The following PSMG1 variants were observed in gnomAD, a reference collection of about 807,000 sequenced individuals.
PSMG1 encodes the protein proteasome assembly chaperone 1, also known as Down syndrome critical region gene 2.
A neutral mutation model predicts 37.2 loss-of-function variants in PSMG1; 23 were observed. The observed-to-expected ratio is 0.62, with a 90% confidence interval of 0.44 to 0.88. The LOEUF (loss-of-function observed/expected upper bound fraction) is 0.88. Among genes scored for constraint, PSMG1 ranks in the 40% least tolerant of loss-of-function variants. The pLI, the probability that PSMG1 is intolerant of heterozygous loss-of-function variation, is 0.00. For missense variants in PSMG1, 340 were observed against 344.2 expected, an observed-to-expected ratio of 0.99 and a Z score of 0.10; for synonymous variants, 127 against 128.0, an observed-to-expected ratio of 0.99 and a Z score of 0.05.
At chr21:39,176,927 GGC>G (rs2030645344) in intron 6 of PSMG1, among the ~76,000 whole-genome samples, 1 of 152,164 alleles carries the variant, frequency 6.6e-6, no homozygotes, top group South Asian at 2.1e-4. Flanking sequence ...TGAGATTACA[GGC>G]AAACATTTTC....
intron 4 of PSMG1, 122 bp downstream of exon 4, chr21:39,179,802 T>A: frequency 1.2e-6 from 1 of 860,340 alleles, no homozygotes; most frequent in Non-Finnish European, 1.7e-6. Flanking sequence ...CAAAAGAAAT[T>A]CCCACAATAT....
Position 39,183,204 on chromosome 21 carries a change from G to T in PSMG1, c.134+48C>A, listed in dbSNP as rs369437106. The T allele has an allele frequency of 2.7e-6, 4 of 1,503,584 alleles. No individual in the cohort carries two copies. The South Asian group carries it at 5.0e-5, about 19-fold the overall frequency. The allele number at this position is 1,503,584 out of a possible 1,614,324, so 93.1% of individuals were successfully genotyped here. A position where few individuals can be genotyped will look rare whatever the true frequency, so the allele number is the denominator to read the frequency against. ...GCGCCGTCGCGGCTGCCAGGCCCGC[G>T]CACCTTCCAGCTGCGGTGAGCGCGC... On this transcript the variant is annotated intron_variant, in intron 1 of 6. Coordinates refer to ENST00000331573, the MANE Select transcript of PSMG1 (RefSeq NM_003720.4).
Position 39,180,384 on chromosome 21 carries a change from A to C in PSMG1, c.294T>G (p.Cys98Trp), listed in dbSNP as rs1217380951. Reference protein sequence around the residue: ...MNSGVWEEVGCAKLWNEWCRT... With the variant: ...MNSGVWEEVGWAKLWNEWCRT... ...TACACCATTCATTCCAGAGTTTAGC[A>C]CAACCAACTTCCTCCCAGACTCCTG... Residue 98 changes from cysteine to tryptophan, a missense_variant, in exon 3 of 7, where the codon TGT becomes TGG. Physicochemically the swap from Cys to Trp is radical, Grantham distance 215. Transcript: ENST00000331573. 6.2e-7 allele frequency: 1 copy of C among 1,609,328 alleles called. No individual in the cohort carries two copies. Among genetic ancestry groups the C allele is most frequent in the South Asian group, 1.1e-5 (1 of 89,914 alleles).
intron 2 of PSMG1, among the ~76,000 whole-genome samples, chr21:39,181,183 G>T (rs924620006): frequency 6.6e-6 from 1 of 152,090 alleles, no homozygotes; most frequent in Admixed American, 6.5e-5. Context: ...CCAAGCTGGA[G>T]CACGATCAGT....
intron 4 of PSMG1, 167 bp from the exon 5 acceptor site, chr21:39,178,814 G>C: frequency 1.5e-6 from 1 of 672,456 alleles, no homozygotes; most frequent in Middle Eastern, 4.2e-4. Flanking sequence ...ACCTGGGTTT[G>C]ATCTTGGTTC....
intron 2 of PSMG1, among the ~76,000 whole-genome samples, chr21:39,180,949 A>C (rs577581393): frequency 6.6e-5 from 10 of 152,204 alleles, no homozygotes; most frequent in Non-Finnish European, 8.8e-5. Flanking sequence ...ATCCACCAAG[A>C]GAATTAATAC....
At chr21:39,182,991 C>G in intron 1 of PSMG1, 1 of 440,016 alleles carries the variant, frequency 2.3e-6, no homozygotes, top group East Asian at 3.8e-5. Flanking sequence ...CGGATTTGAA[C>G]CCAGCCCTCC....
At chr21:39,180,700 A>G (rs2030796507) in intron 2 of PSMG1, among the ~76,000 whole-genome samples, 1 of 152,192 alleles carries the variant, frequency 6.6e-6, no homozygotes, top group Non-Finnish European at 1.5e-5. Context: ...TCACGGGGTA[A>G]TACTCTTCTG....
chr21:39,178,385 T>G (rs2030699672), intron 5 of PSMG1, 64 bp downstream of exon 5: 1 of 1,454,334 alleles, frequency 6.9e-7, no homozygotes, highest in Admixed American at 1.7e-5. Context: ...AGACCTCTAA[T>G]GGTGAAAAGT....
In PSMG1 at chr21:39,178,594, T is replaced by C. The variant is rs138817199; in HGVS notation, c.510A>G (p.Arg170=). The change falls in exon 5 of 7, where the codon CGA becomes CGG. Residue 170 remains arginine, a synonymous_variant. Transcript: ENST00000331573. ...CTGAGGTTTTATAATCGGTAACATG[T>C]CGACATGTGAGAATAGTTATCTGCA... ...KNMQITILTC[R]HVTDYKTSES... 24 of 1,614,034 alleles carry C rather than the reference T, an allele frequency of 1.5e-5. No individual in the cohort carries two copies. In the African/African-American group the frequency reaches 2.7e-4, roughly 18 times the overall value.
At position 39,180,179 on chromosome 21, in the gene PSMG1, A is replaced by G. The variant is rs79300528; in HGVS notation, c.393+106T>C. 3.1e-3 allele frequency: 4,286 copies of G among 1,374,524 alleles called. 104 individuals are homozygous for G. The African/African-American group carries it at 0.053, about 17-fold the overall frequency. The allele number at this position is 1,374,524 out of a possible 1,614,324, so 85.1% of individuals were successfully genotyped here. A position where few individuals can be genotyped will look rare whatever the true frequency, so the allele number is the denominator to read the frequency against. On this transcript the variant is annotated intron_variant, in intron 3 of 6. Transcript: ENST00000331573. ...GTGATTAGTATCAGAAAAAGTGCACACTGACAGAGCAACTGAAAGATTTGC... is the reference window on the plus strand; with the variant it reads ...GTGATTAGTATCAGAAAAAGTGCACGCTGACAGAGCAACTGAAAGATTTGC...
chr21:39,180,426 T>C lies in PSMG1; in HGVS notation c.252A>G (p.Ser84=). ...AIGNNAVAFL[S]SFVMNSGVWE... is the part of the protein sequence containing the mutation. Reference sequence around the variant, plus strand: ...AGACTCCTGAATTCATAACAAATGATGACAGAAATGCTGTAAAAAACAATT... The same window carrying C: ...AGACTCCTGAATTCATAACAAATGACGACAGAAATGCTGTAAAAAACAATT... Residue 84 remains serine (S), a synonymous_variant, in exon 3 of 7, where the codon TCA becomes TCG. Coordinates refer to ENST00000331573, the MANE Select transcript of PSMG1 (RefSeq NM_003720.4). 7 of 1,592,372 alleles carry C rather than the reference T, an allele frequency of 4.4e-6. No individual in the cohort carries two copies. Among genetic ancestry groups the C allele is most frequent in the Non-Finnish European group, 6.0e-6 (7 of 1,171,248 alleles).
intron 6 of PSMG1, 133 bp from the exon 7 acceptor site, chr21:39,175,797 C>G: frequency 1.6e-6 from 1 of 608,846 alleles, no homozygotes; most frequent in Non-Finnish European, 2.9e-6. Context: ...GGCCTTTACT[C>G]TCCTTCTCAA....
At chr21:39,176,758 C>T (rs1346371763) in intron 6 of PSMG1, among the ~76,000 whole-genome samples, 1 of 152,164 alleles carries the variant, frequency 6.6e-6, no homozygotes, top group East Asian at 1.9e-4. Context: ...CAACAACTTA[C>T]CACAAAAGTC....
At chr21:39,181,976 C>T in intron 1 of PSMG1, 98 bp from the exon 2 acceptor site, 1 of 679,978 alleles carries the variant, frequency 1.5e-6, no homozygotes, top group East Asian at 3.4e-5. Context: ...ATAAAATGCA[C>T]GTTAGTTTTA....
rs1277155900 is a variant in PSMG1 at position 39,179,047 on chromosome 21, TGCTAGA to T, written c.457-406_457-401del. 2.0e-5 allele frequency among the ~76,000 whole-genome samples: 3 copies of T among 152,256 alleles called. No individual in the cohort carries two copies. The East Asian group carries it at 5.8e-4, about 29-fold the overall frequency. ...GACTTCTCACTTCTCGCTCAGTTCA[TGCTAGA>T]GCTGGTAGTTCAAAAGAGGCTGGCT... On this transcript the variant is annotated intron_variant, in intron 4 of 6. Coordinates refer to ENST00000331573, the MANE Select transcript of PSMG1 (RefSeq NM_003720.4).
chr21:39,183,500 G>T, upstream of PSMG1: 1 of 1,296,948 alleles, frequency 7.7e-7, no homozygotes, highest in South Asian at 1.6e-5. Context: ...CACAGGCCAC[G>T]CCCTCCGCGC....
At chr21:39,178,884 T>G in intron 4 of PSMG1, 1 of 508,860 alleles carries the variant, frequency 2.0e-6, no homozygotes, top group Non-Finnish European at 3.5e-6. Flanking sequence ...TAAGGTGATA[T>G]AGTTTAGATG....
chr21:39,175,613 T>A lies in PSMG1; in HGVS notation c.844A>T (p.Ile282Phe). 6.3e-7 allele frequency: 1 copy of A among 1,595,526 alleles called. No homozygotes were observed. ...GATCATGTATAAATGTTACTCTGAA[T>A]CTCATTTGTTGTCATCAATTTCTTT... ...ILKKLMTTNE[I>F]QSNIYT Residue 282 changes from isoleucine to phenylalanine, a missense_variant, in exon 7 of 7, where the codon ATT (isoleucine) becomes TTT (phenylalanine). Coordinates refer to ENST00000331573, the MANE Select transcript of PSMG1 (RefSeq NM_003720.4).
Sources: allele counts gnomAD v4.1 joint callset (sites outside exome capture counted in the v4.1 genomes callset), GRCh38; gene constraint gnomAD v4.1.1; transcripts MANE v1.5; gene names NCBI Gene and HGNC (gene_info 2026-07-23, HGNC 2026-07-21).